The following TPD52L1 variants were observed in gnomAD, a reference collection of about 807,000 sequenced individuals.
TPD52L1 encodes the protein tumor protein D53.
TPD52L1 carries 18 observed loss-of-function variants against 28.7 expected under a neutral mutation model. That is an observed-to-expected ratio of 0.63 (90% confidence interval 0.43 to 0.93). The LOEUF (loss-of-function observed/expected upper bound fraction) is 0.93, where lower values mean the gene tolerates loss of function less well. TPD52L1 is among the 40% of genes least tolerant of loss of function. TPD52L1 has a pLI of 0.00. For missense variants in TPD52L1, 203 were observed against 254.8 expected (o/e 0.80, Z 1.39); for synonymous variants, 75 against 88.8 (o/e 0.84, Z 0.88).
chr6:125,261,593 T>A (rs2115081102), intron 6 of TPD52L1: 1 of 152,102 alleles, frequency 6.6e-6, no homozygotes, highest in East Asian at 1.9e-4. Context: ...TGCATCTACT[T>A]TTTGATAAAT....
chr6:125,257,057 C>A, intron 5 of TPD52L1, 41 bp from the exon 6 acceptor site: 2 of 1,568,124 alleles, frequency 1.3e-6, no homozygotes, highest in South Asian at 1.1e-5. Context: ...GCTAAGACAG[C>A]TAGGCCTTTG....
intron 1 of TPD52L1, among the ~76,000 whole-genome samples, chr6:125,189,776 C>T (rs481706): frequency 0.6 from 90,394 of 151,918 alleles, 29,266 homozygotes; most frequent in African/African-American, 0.86. Context: ...AAATCTGATA[C>T]TGAAGGAACT....
chr6:125,204,263 C>T (rs1168609908), intron 1 of TPD52L1, among the ~76,000 whole-genome samples: 2 of 151,984 alleles, frequency 1.3e-5, no homozygotes, highest in Non-Finnish European at 2.9e-5. Context: ...AAAGCTAGAC[C>T]CTGGCTTAAT....
chr6:125,237,911 C>T (rs1260196348), intron 3 of TPD52L1, among the ~76,000 whole-genome samples: 1 of 152,194 alleles, frequency 6.6e-6, no homozygotes, highest in Non-Finnish European at 1.5e-5. Context: ...CCACCCTCCT[C>T]AGCCTCCCAA....
At chr6:125,173,308 A>C (rs1791615132) in intron 1 of TPD52L1, among the ~76,000 whole-genome samples, 1 of 152,256 alleles carries the variant, frequency 6.6e-6, no homozygotes, top group East Asian at 1.9e-4. Flanking sequence ...GCTTTGAGTC[A>C]GGCACACGGT....
intron 1 of TPD52L1, among the ~76,000 whole-genome samples, chr6:125,171,554 C>A (rs1791298929): frequency 6.6e-6 from 1 of 152,126 alleles, no homozygotes. Context: ...GTTGGAGAAA[C>A]CCACATGGCC....
chr6:125,240,536 C>G (rs560771614), intron 3 of TPD52L1, among the ~76,000 whole-genome samples: 3 of 152,140 alleles, frequency 2.0e-5, no homozygotes, highest in South Asian at 4.1e-4. Flanking sequence ...TATCTTTCAC[C>G]TACTTGGTTA....
intron 1 of TPD52L1, among the ~76,000 whole-genome samples, chr6:125,193,964 T>C (rs1793230879): frequency 6.6e-6 from 1 of 151,360 alleles, no homozygotes. Context: ...ATAGATCAAG[T>C]CTCTTCAATC....
intron 2 of TPD52L1, among the ~76,000 whole-genome samples, chr6:125,226,496 G>GAATAAAAA: frequency 6.6e-6 from 1 of 152,034 alleles, no homozygotes; most frequent in East Asian, 1.9e-4. Context: ...ATAATCCACA[G>GAATAAAAA]CCCCTCGTGG....
chr6:125,181,668 C>T (rs933315251), intron 1 of TPD52L1, among the ~76,000 whole-genome samples: 1 of 152,208 alleles, frequency 6.6e-6, no homozygotes, highest in African/African-American at 2.4e-5. Context: ...TGCATAGATT[C>T]TGGGGATACA....
rs527752804 is a variant in TPD52L1, at chr6:125,180,954, T to G, written c.19+26984T>G. Among the ~76,000 whole-genome samples, 4 of 152,032 alleles carry G rather than the reference T, an allele frequency of 2.6e-5. No homozygotes were observed. The South Asian group carries it at 8.3e-4, about 32-fold the overall frequency. ...GTATTCACAGCCCTTTCTGGTGGCA[T>G]GAAGGAGGCTGGTGTTGCTCTTGTG... On this transcript the variant is annotated intron_variant, in intron 1 of 6. Coordinates refer to ENST00000534000, the MANE Select transcript of TPD52L1 (RefSeq NM_003287.4).
chr6:125,214,771 C>T lies in TPD52L1; in HGVS notation c.20-5307C>T, dbSNP rs74722238. ...AGAATACTTTTAAAAACTATTACTC[C>T]CCAATTTCATGCTGCTGTAGTTTGT... is the stretch of plus-strand genomic sequence containing the variant. On this transcript the variant is annotated intron_variant, in intron 1 of 6. Transcript: ENST00000534000. Among the ~76,000 whole-genome samples, 1,395 of 152,192 alleles carry T rather than the reference C, an allele frequency of 9.2e-3. 7 individuals carry two copies. The highest frequency in any genetic ancestry group is 0.014 in the Non-Finnish European group (944 of 68,002).
intron 1 of TPD52L1, among the ~76,000 whole-genome samples, chr6:125,187,175 T>G (rs1345790968): frequency 6.6e-6 from 1 of 152,184 alleles, no homozygotes; most frequent in Non-Finnish European, 1.5e-5. Context: ...CAAAAATAAC[T>G]GGCCAGCCGT....
intron 1 of TPD52L1, among the ~76,000 whole-genome samples, chr6:125,189,138 T>G (rs1385038253): frequency 6.6e-6 from 1 of 152,258 alleles, no homozygotes; most frequent in African/African-American, 2.4e-5. Flanking sequence ...TAAGCTTTCT[T>G]GGATTCCTCT....
At chr6:125,209,402 C>T (rs1188422191) in intron 1 of TPD52L1, among the ~76,000 whole-genome samples, 1 of 152,210 alleles carries the variant, frequency 6.6e-6, no homozygotes, top group Non-Finnish European at 1.5e-5. Context: ...TGTACCCTCA[C>T]CTCCAGGAAA....
chr6:125,253,136 A>G (rs888342267), intron 4 of TPD52L1: 3 of 152,464 alleles, frequency 2.0e-5, no homozygotes, highest in African/African-American at 7.2e-5. Context: ...TGTTTGTACC[A>G]GATGTTCTTG....
chr6:125,221,466 T>G (rs1158435296), intron 2 of TPD52L1, among the ~76,000 whole-genome samples: 1 of 152,158 alleles, frequency 6.6e-6, no homozygotes, highest in Non-Finnish European at 1.5e-5. Flanking sequence ...AAAACTTCAC[T>G]CCATCATGGT....
intron 1 of TPD52L1, among the ~76,000 whole-genome samples, chr6:125,190,030 G>A (rs1408053486): frequency 6.6e-6 from 1 of 152,060 alleles, no homozygotes; most frequent in Non-Finnish European, 1.5e-5. Flanking sequence ...TGGGGTGTCG[G>A]TGGTGGTTAG....
chr6:125,221,670 AG>A (rs1795242063), intron 2 of TPD52L1, among the ~76,000 whole-genome samples: 1 of 152,226 alleles, frequency 6.6e-6, no homozygotes, highest in African/African-American at 2.4e-5. Context: ...TCAAGAAAAA[AG>A]TAAGTATTGG....
Sources: allele counts gnomAD v4.1 joint callset (sites outside exome capture counted in the v4.1 genomes callset), GRCh38; gene constraint gnomAD v4.1.1; transcripts MANE v1.5; gene names NCBI Gene and HGNC (gene_info 2026-07-23, HGNC 2026-07-21).